Variants in SLC25A21 observed in about 807,000 individuals in gnomAD.
SLC25A21 encodes the protein mitochondrial 2-oxodicarboxylate carrier.
SLC25A21 carries 47 observed loss-of-function variants against 43.8 expected under a neutral mutation model. The observed-to-expected ratio is 1.07, with a 90% CI of 0.85 to 1.37. SLC25A21 has a LOEUF of 1.37. SLC25A21 is among the 40% of genes most tolerant of loss of function. The pLI, the probability that SLC25A21 is intolerant of heterozygous loss-of-function variation, is 0.00. For missense variants in SLC25A21, 352 were observed against 350.2 expected, an observed-to-expected ratio of 1.00 and a Z score of -0.04; for synonymous variants, 131 against 121.3, an observed-to-expected ratio of 1.08 and a Z score of -0.52.
At chr14:37,057,184 G>C (rs974071825) in intron 1 of SLC25A21, among the ~76,000 whole-genome samples, 1 of 152,114 alleles carries the variant, frequency 6.6e-6, no homozygotes, top group African/African-American at 2.4e-5. Flanking sequence ...TTAGTCACCA[G>C]CTCCCTAACT....
At chr14:36,784,766 T>C (rs1230713159) in intron 3 of SLC25A21, among the ~76,000 whole-genome samples, 1 of 152,218 alleles carries the variant, frequency 6.6e-6, no homozygotes, top group Admixed American at 6.5e-5. Flanking sequence ...GGAAACACTG[T>C]GTGAGTCTTA....
chr14:37,059,519 T>A (rs1271830240), intron 1 of SLC25A21, among the ~76,000 whole-genome samples: 1 of 152,218 alleles, frequency 6.6e-6, no homozygotes, highest in African/African-American at 2.4e-5. Context: ...GGCCTCCAGA[T>A]GATATCTTAA....
intron 1 of SLC25A21, among the ~76,000 whole-genome samples, chr14:36,947,835 T>C: frequency 6.6e-6 from 1 of 152,130 alleles, no homozygotes. Context: ...TCATTTTTCC[T>C]CTTAGAAGGA....
At chr14:37,149,142 GTT>G (rs142665911) in intron 1 of SLC25A21, among the ~76,000 whole-genome samples, 2 of 150,862 alleles carry the variant, frequency 1.3e-5, no homozygotes, top group African/African-American at 4.9e-5. Context: ...TATCACCACT[GTT>G]TTTTTTTAAC....
chr14:37,031,604 C>T (rs1961212388), intron 1 of SLC25A21, among the ~76,000 whole-genome samples: 1 of 152,114 alleles, frequency 6.6e-6, no homozygotes, highest in African/African-American at 2.4e-5. Flanking sequence ...CTTTCTTATC[C>T]TATGAATACT....
At chr14:36,872,728 G>C (rs899865288) in intron 2 of SLC25A21, among the ~76,000 whole-genome samples, 1 of 152,182 alleles carries the variant, frequency 6.6e-6, no homozygotes, top group Admixed American at 6.5e-5. Flanking sequence ...GCAAAGTCAT[G>C]TGACTAACTC....
In SLC25A21 at chr14:36,985,915, G is replaced by A. The variant is rs547762071; in HGVS notation, c.71-110911C>T. Among the ~76,000 whole-genome samples the A allele has an allele frequency of 3.9e-5, 6 of 152,168 alleles. No homozygotes were observed. The South Asian group carries it at 1.2e-3, about 32-fold the overall frequency. ...ATTGTCCCAGATTTGGTCAGTGAGA[G>A]TTCCTTCAAATTATTTTATATCTTT... On this transcript the variant is annotated intron_variant, in intron 1 of 9. Coordinates refer to ENST00000331299, the MANE Select transcript of SLC25A21 (RefSeq NM_030631.4).
intron 3 of SLC25A21, among the ~76,000 whole-genome samples, chr14:36,808,331 G>C (rs1888116394): frequency 6.6e-6 from 1 of 152,164 alleles, no homozygotes; most frequent in Admixed American, 6.5e-5. Flanking sequence ...TAATTATAAA[G>C]GATGGGGCAA....
chr14:36,680,192 AT>A lies in SLC25A21; in HGVS notation c.*465del. The A allele has an allele frequency of 1.3e-5, 11 of 841,106 alleles. No individual in the cohort carries two copies. Among genetic ancestry groups the A allele is most frequent in the Non-Finnish European group, 1.6e-5 (11 of 699,080 alleles). 52.1% of individuals were successfully genotyped at this position (841,106 alleles called of 1,614,324 possible). On this transcript the variant is annotated 3_prime_UTR_variant, in exon 10 of 10. Transcript: ENST00000331299. ...CTCTTTAAATATTATTTATGGAATA[AT>A]TTAATTCATTATAAAAACTGCTTAA...
chr14:37,000,683 G>A (rs1960469260), intron 1 of SLC25A21, among the ~76,000 whole-genome samples: 1 of 152,166 alleles, frequency 6.6e-6, no homozygotes, highest in Non-Finnish European at 1.5e-5. Flanking sequence ...CACATGTCAG[G>A]GGAGGGACCT....
chr14:37,149,706 A>G (rs1190742934), intron 1 of SLC25A21, among the ~76,000 whole-genome samples: 1 of 152,144 alleles, frequency 6.6e-6, no homozygotes, highest in African/African-American at 2.4e-5. Flanking sequence ...GCAAGACTCA[A>G]AAAATAAATA....
intron 2 of SLC25A21, among the ~76,000 whole-genome samples, chr14:36,858,796 A>G (rs1451581051): frequency 1.3e-5 from 2 of 152,088 alleles, no homozygotes; most frequent in African/African-American, 2.4e-5. Flanking sequence ...GTTTTCTCAC[A>G]CTCTGGGAAA....
In SLC25A21 at chr14:36,734,507, C is replaced by G; in HGVS notation, c.270G>C (p.Lys90Asn). 1 of 1,605,942 alleles carries G rather than the reference C, an allele frequency of 6.2e-7. No homozygotes were observed. The highest frequency in any genetic ancestry group is 1.1e-5 in the South Asian group (1 of 89,290). Residue 90 changes from lysine (K) to asparagine (N), a missense_variant and splice_region_variant, in exon 4 of 10, where the codon AAG (lysine) becomes AAC (asparagine). Transcript: ENST00000331299. ...TGGTGCGAACGCATGCAATGCTTAC[C>G]TTCACTGCTCTTTTTGGGGTTTCAG... The part of the protein sequence containing the change: ...ILAETPKRAV[K>N]FFTFEQYKKL...
chr14:37,002,040 C>T (rs1305437933), intron 1 of SLC25A21, among the ~76,000 whole-genome samples: 1 of 152,086 alleles, frequency 6.6e-6, no homozygotes, highest in African/African-American at 2.4e-5. Flanking sequence ...AAAACTTATT[C>T]ATCATGCTCA....
At chr14:37,156,452 T>A (rs1963852066) in intron 1 of SLC25A21, among the ~76,000 whole-genome samples, 1 of 150,592 alleles carries the variant, frequency 6.6e-6, no homozygotes, top group African/African-American at 2.4e-5. Flanking sequence ...ACATAAACAT[T>A]AAATAATCCA....
chr14:36,883,496 A>T (rs1890814989), intron 1 of SLC25A21, among the ~76,000 whole-genome samples: 1 of 152,092 alleles, frequency 6.6e-6, no homozygotes, highest in African/African-American at 2.4e-5. Flanking sequence ...CTTCTAACAT[A>T]CTATATCATT....
intron 1 of SLC25A21, among the ~76,000 whole-genome samples, chr14:37,117,821 T>C (rs1297151379): frequency 6.6e-6 from 1 of 152,016 alleles, no homozygotes; most frequent in Non-Finnish European, 1.5e-5. Context: ...AAGCAAAAAG[T>C]AGTTACTGGA....
At chr14:36,897,408 T>C (rs1056849743) in intron 1 of SLC25A21, among the ~76,000 whole-genome samples, 3 of 152,198 alleles carry the variant, frequency 2.0e-5, no homozygotes, top group Non-Finnish European at 2.9e-5. Flanking sequence ...AGGACTTCTC[T>C]GCATTGGTTA....
At chr14:36,795,524 G>A (rs993008986) in intron 3 of SLC25A21, among the ~76,000 whole-genome samples, 1 of 152,174 alleles carries the variant, frequency 6.6e-6, no homozygotes, top group East Asian at 1.9e-4. Context: ...TGTGTTGCTT[G>A]ACATTTTTGT....
Sources: allele counts gnomAD v4.1 joint callset (sites outside exome capture counted in the v4.1 genomes callset), GRCh38; gene constraint gnomAD v4.1.1; transcripts MANE v1.5; gene names NCBI Gene and HGNC (gene_info 2026-07-23, HGNC 2026-07-21).